DYNLRB2: variants seen among roughly 807,000 people sequenced by gnomAD.
The protein encoded by DYNLRB2 is bithoraxoid-like protein.
DYNLRB2 carries 14 observed loss-of-function variants against 12.6 expected under a neutral mutation model. The observed-to-expected ratio is 1.11, with a 90% confidence interval of 0.73 to 1.73. The LOEUF is 1.73. DYNLRB2 is among the 40% of genes most tolerant of loss of function. The probability of loss-of-function intolerance (pLI) is 0.00; values close to 1 mark genes in which losing one functional copy is unlikely to be tolerated. For missense variants in DYNLRB2, 142 were observed against 117.7 expected (o/e 1.21, Z -0.95); for synonymous variants, 53 against 37.0 (o/e 1.43, Z -1.57).
At position 80,543,342 on chromosome 16, in the gene DYNLRB2, A is replaced by C. The variant is rs1349520703; in HGVS notation, c.70A>C (p.Asn24His). 7 of 1,613,874 alleles carry C rather than the reference A, an allele frequency of 4.3e-6. No homozygotes were observed. The highest frequency in any genetic ancestry group is 5.1e-6 in the Non-Finnish European group (6 of 1,179,892). Residue 24 changes from asparagine (N) to histidine (H), a missense_variant, in exon 2 of 4, where the codon AAT becomes CAT. By Grantham distance (68) the Asn-to-His change is moderately conservative. Coordinates refer to ENST00000305904, the MANE Select transcript of DYNLRB2 (RefSeq NM_130897.3). ...AGGGGTTATTGGAACTATGGTTGTA[A>C]ATGCAGAAGGTAAATATATCACAGG... The part of the protein sequence containing the change: ...HKGVIGTMVV[N>H]AEGIPIRTTL...
intron 3 of DYNLRB2, among the ~76,000 whole-genome samples, 183 bp from the exon 4 acceptor site, chr16:80,550,332 G>C (rs1904764294): frequency 6.6e-6 from 1 of 152,166 alleles, no homozygotes; most frequent in Non-Finnish European, 1.5e-5. Context: ...CAGAATCTCT[G>C]AGGCCCTAGG....
intron 2 of DYNLRB2, chr16:80,547,904 T>C (rs1275214426): frequency 8.9e-6 from 4 of 447,412 alleles, no homozygotes; most frequent in South Asian, 6.4e-5. Context: ...ATCCTCATAC[T>C]GTTTAGCAAA....
At chr16:80,541,199 T>C in intron 1 of DYNLRB2, 120 bp downstream of exon 1, 5 of 1,458,148 alleles carry the variant, frequency 3.4e-6, no homozygotes, top group Non-Finnish European at 4.5e-6. Context: ...CGGCGGAGGC[T>C]GGTGGCTCCA....
intron 2 of DYNLRB2, 74 bp downstream of exon 2, chr16:80,543,425 GACAAAC>G (rs1904308117): frequency 7.1e-7 from 1 of 1,408,148 alleles, no homozygotes; most frequent in South Asian, 1.2e-5. Context: ...TAGTCCTTAA[GACAAAC>G]ATCTTCGAAT....
chr16:80,547,903 C>G, intron 2 of DYNLRB2: 2 of 449,902 alleles, frequency 4.4e-6, no homozygotes, highest in Non-Finnish European at 4.5e-6. Context: ...TATCCTCATA[C>G]TGTTTAGCAA....
intron 2 of DYNLRB2, among the ~76,000 whole-genome samples, chr16:80,545,371 T>C (rs530869295): frequency 1.3e-5 from 2 of 152,302 alleles, no homozygotes; most frequent in South Asian, 4.1e-4. Flanking sequence ...TTTTACTTGA[T>C]GAACATTACT....
chr16:80,548,007 A>T, intron 2 of DYNLRB2: 1 of 343,718 alleles, frequency 2.9e-6, no homozygotes, highest in African/African-American at 2.2e-5. Context: ...AAAACCTGGT[A>T]AAATCCTAAG....
intron 2 of DYNLRB2, among the ~76,000 whole-genome samples, chr16:80,546,438 T>C (rs1904472716): frequency 1.3e-5 from 2 of 152,230 alleles, no homozygotes; most frequent in South Asian, 4.1e-4. Context: ...ACTTCTACCA[T>C]GCTTATTCAT....
chr16:80,547,002 C>T (rs1022655051), intron 2 of DYNLRB2, among the ~76,000 whole-genome samples: 1 of 152,276 alleles, frequency 6.6e-6, no homozygotes, highest in East Asian at 1.9e-4. Context: ...TTATCCTACA[C>T]ATACATATAA....
At chr16:80,548,225 C>A (rs942572301) in intron 2 of DYNLRB2, 3 of 167,402 alleles carry the variant, frequency 1.8e-5, no homozygotes, top group African/African-American at 4.8e-5. Context: ...CCCTGGCTAT[C>A]TAGTAGTTCT....
chr16:80,548,722 G>A (rs4622526), intron 2 of DYNLRB2, among the ~76,000 whole-genome samples: 89,653 of 139,246 alleles, frequency 0.64, 30,289 homozygotes, highest in East Asian at 0.83. Flanking sequence ...GCAAGACTCC[G>A]TCTCAAAAAA....
chr16:80,548,484 T>C (rs1409831809), intron 2 of DYNLRB2, among the ~76,000 whole-genome samples: 1 of 152,108 alleles, frequency 6.6e-6, no homozygotes. Flanking sequence ...CCCAGCACTG[T>C]GGGAGGCATG....
chr16:80,548,592 G>A (rs1022438837), intron 2 of DYNLRB2, among the ~76,000 whole-genome samples: 3 of 151,894 alleles, frequency 2.0e-5, no homozygotes, highest in African/African-American at 7.3e-5. Context: ...CGTGGTGGTG[G>A]GTTCCTCTAA....
intron 2 of DYNLRB2, among the ~76,000 whole-genome samples, chr16:80,546,577 T>C (rs1428471492): frequency 6.6e-6 from 1 of 152,144 alleles, no homozygotes; most frequent in Non-Finnish European, 1.5e-5. Context: ...TTTATTAGAG[T>C]AGATTTTTGT....
intron 2 of DYNLRB2, among the ~76,000 whole-genome samples, chr16:80,544,983 C>G (rs927291176): frequency 6.6e-6 from 1 of 152,084 alleles, no homozygotes; most frequent in African/African-American, 2.4e-5. Flanking sequence ...GTGCAAAGAC[C>G]CGTTTCCAAA....
chr16:80,547,069 A>C (rs1904513366), intron 2 of DYNLRB2, among the ~76,000 whole-genome samples: 1 of 152,244 alleles, frequency 6.6e-6, no homozygotes, highest in Non-Finnish European at 1.5e-5. Context: ...TGTTTACAAA[A>C]GTAAAAGATT....
chr16:80,548,682 G>A (rs529486077), intron 2 of DYNLRB2, among the ~76,000 whole-genome samples: 11 of 149,578 alleles, frequency 7.4e-5, no homozygotes, highest in Middle Eastern at 3.5e-3. Flanking sequence ...AGATCATGCC[G>A]TCGCACTCCA....
chr16:80,548,630 G>A (rs922274418), intron 2 of DYNLRB2, among the ~76,000 whole-genome samples: 4 of 151,628 alleles, frequency 2.6e-5, no homozygotes, highest in African/African-American at 4.9e-5. Flanking sequence ...ACTGAGGCAG[G>A]AGAATTGCTG....
chr16:80,548,572 A>G (rs542778990), intron 2 of DYNLRB2, among the ~76,000 whole-genome samples: 5 of 152,130 alleles, frequency 3.3e-5, no homozygotes, highest in East Asian at 3.9e-4. Flanking sequence ...AAATACAACA[A>G]TTAGCCGGGC....
Sources: gnomAD v4.1 joint callset for allele counts (sites outside exome capture counted in the v4.1 genomes callset) on GRCh38, gnomAD v4.1.1 for gene constraint, MANE v1.5 for transcripts, NCBI Gene and HGNC (gene_info 2026-07-23, HGNC 2026-07-21) for gene names.